THSD7B: variants seen among roughly 807,000 people sequenced by gnomAD.
The protein encoded by THSD7B is thrombospondin type-1 domain-containing protein 7B.
In THSD7B, 138 loss-of-function variants were observed where a neutral mutation model predicts 213.6. The ratio of observed to expected loss-of-function variants is 0.65; its 90% CI spans 0.56 to 0.74. The LOEUF (loss-of-function observed/expected upper bound fraction) is 0.74. Ranked by LOEUF, THSD7B falls within the 30% of genes least tolerant of loss-of-function variation. The pLI, the probability that THSD7B is intolerant of heterozygous loss-of-function variation, is 0.00. For synonymous variants in THSD7B, 742 were observed against 687.0 expected (o/e 1.08, Z -1.25); for missense variants, 1,931 against 1,991.5 (o/e 0.97, Z 0.58).
intron 7 of THSD7B, among the ~76,000 whole-genome samples, chr2:137,197,796 G>A (rs1680795766): frequency 6.6e-6 from 1 of 152,156 alleles, no homozygotes; most frequent in African/African-American, 2.4e-5. Flanking sequence ...TGTAGTCCAT[G>A]TTTGTGAAAG....
At chr2:136,773,329 G>A (rs1001434269) in intron 1 of THSD7B, among the ~76,000 whole-genome samples, 1 of 152,068 alleles carries the variant, frequency 6.6e-6, no homozygotes, top group Non-Finnish European at 1.5e-5. Flanking sequence ...GAAATAGTGA[G>A]TGATTTGCGC....
intron 10 of THSD7B, among the ~76,000 whole-genome samples, chr2:137,258,677 T>TC (rs1682364880): frequency 6.6e-6 from 1 of 151,832 alleles, no homozygotes; most frequent in Non-Finnish European, 1.5e-5. Context: ...TTTTTTTTTT[T>TC]CTGCACATTT....
At chr2:137,040,373 TCTC>T in intron 2 of THSD7B, among the ~76,000 whole-genome samples, 1 of 149,876 alleles carries the variant, frequency 6.7e-6, no homozygotes, top group East Asian at 2.0e-4. Flanking sequence ...TTCTTCTCCT[TCTC>T]CTCCTCTTTC....
chr2:136,941,480 A>C (rs2105060543), intron 2 of THSD7B, among the ~76,000 whole-genome samples: 1 of 152,304 alleles, frequency 6.6e-6, no homozygotes, highest in East Asian at 1.9e-4. Context: ...CAACAGTGTA[A>C]AAGCATTACT....
At chr2:136,888,021 G>T (rs866412521) in intron 2 of THSD7B, among the ~76,000 whole-genome samples, 2 of 152,002 alleles carry the variant, frequency 1.3e-5, no homozygotes, top group African/African-American at 4.8e-5. Flanking sequence ...TATCATTGTT[G>T]TATAATAATT....
chr2:137,196,063 G>C (rs1366369184), intron 7 of THSD7B, among the ~76,000 whole-genome samples: 2 of 152,222 alleles, frequency 1.3e-5, no homozygotes, highest in Non-Finnish European at 2.9e-5. Flanking sequence ...TGCACAAAAA[G>C]TGCCTATAGA....
At chr2:136,780,123 G>T (rs1681711918) in intron 1 of THSD7B, among the ~76,000 whole-genome samples, 1 of 152,094 alleles carries the variant, frequency 6.6e-6, no homozygotes, top group Admixed American at 6.6e-5. Context: ...TATAATTTAT[G>T]AATTATGGGT....
At chr2:136,886,719 A>G (rs1472840819) in intron 2 of THSD7B, among the ~76,000 whole-genome samples, 1 of 152,164 alleles carries the variant, frequency 6.6e-6, no homozygotes. Context: ...TTGATGTGGG[A>G]TGGGTGATAC....
At chr2:137,345,373 A>G (rs1684854187) in intron 12 of THSD7B, among the ~76,000 whole-genome samples, 1 of 151,766 alleles carries the variant, frequency 6.6e-6, no homozygotes, top group Non-Finnish European at 1.5e-5. Flanking sequence ...CATAAGGAAA[A>G]AAATAATTTA....
chr2:137,473,093 GT>G (rs772865121), intron 15 of THSD7B, among the ~76,000 whole-genome samples: 2,794 of 132,868 alleles, frequency 0.021, 35 homozygotes, highest in Non-Finnish European at 0.025. Flanking sequence ...ACTATTAATT[GT>G]TTTTTTTTTT....
chr2:137,275,785 G>A (rs1254647425), intron 11 of THSD7B, 138 bp from the exon 12 acceptor site: 2 of 602,658 alleles, frequency 3.3e-6, no homozygotes, highest in African/African-American at 3.8e-5. Context: ...GCCAAGGCTT[G>A]GTTTTATGAC....
chr2:136,779,588 T>C (rs563429000), intron 1 of THSD7B, among the ~76,000 whole-genome samples: 1 of 152,328 alleles, frequency 6.6e-6, no homozygotes, highest in East Asian at 1.9e-4. Flanking sequence ...AAAAAAAATC[T>C]TGGAAACTTC....
Position 137,056,467 on chromosome 2 carries a change from A to C in THSD7B, c.187A>C (p.Ser63Arg). 1.2e-6 allele frequency: 2 copies of C among 1,613,938 alleles called. No homozygotes were observed. Among genetic ancestry groups the C allele is most frequent in the African/African-American group, 1.3e-5 (1 of 75,042 alleles). ...AGACTGTGGTCCCGGAGGAGTCCAG[A>C]GTCGGGCAGTGTGGTGTTTTCATGT... ...TGDCGPGGVQ[S>R]RAVWCFHVDG... Residue 63 changes from serine to arginine, a missense_variant, in exon 3 of 28, where the codon AGT becomes CGT. Physicochemically the swap from Ser to Arg is moderately radical, Grantham distance 110. Coordinates refer to ENST00000409968, the MANE Select transcript of THSD7B (RefSeq NM_001316349.2).
chr2:136,767,950 G>C (rs901572873), intron 1 of THSD7B, among the ~76,000 whole-genome samples: 19 of 152,180 alleles, frequency 1.2e-4, no homozygotes, highest in Admixed American at 3.3e-4. Flanking sequence ...GATTGTTAGA[G>C]AGTTGAAAGG....
intron 12 of THSD7B, among the ~76,000 whole-genome samples, chr2:137,373,880 T>G (rs181159576): frequency 6.9e-4 from 105 of 152,182 alleles, no homozygotes; most frequent in African/African-American, 2.4e-3. Flanking sequence ...TTTGTATAAG[T>G]TGTAAGGAAG....
At chr2:137,250,056 T>C (rs571325478) in intron 10 of THSD7B, among the ~76,000 whole-genome samples, 1 of 152,332 alleles carries the variant, frequency 6.6e-6, no homozygotes, top group East Asian at 1.9e-4. Context: ...ACCCAGTGTT[T>C]AAACTTGCTA....
At chr2:136,912,936 C>T (rs561316734) in intron 2 of THSD7B, among the ~76,000 whole-genome samples, 2 of 152,186 alleles carry the variant, frequency 1.3e-5, no homozygotes, top group East Asian at 3.9e-4. Flanking sequence ...TGAAAAGATA[C>T]CCAAAAATGT....
intron 12 of THSD7B, among the ~76,000 whole-genome samples, chr2:137,347,475 G>A (rs923695447): frequency 1.3e-5 from 2 of 151,492 alleles, no homozygotes; most frequent in African/African-American, 4.8e-5. Flanking sequence ...GGGAGCTGGA[G>A]TGATGGTACC....
intron 27 of THSD7B, among the ~76,000 whole-genome samples, chr2:137,670,363 G>A (rs1377651847): frequency 6.6e-6 from 1 of 152,006 alleles, no homozygotes; most frequent in Non-Finnish European, 1.5e-5. Flanking sequence ...TCCACAACTG[G>A]AGCCCAAAAA....
Sources: gnomAD v4.1 joint callset for allele counts (sites outside exome capture counted in the v4.1 genomes callset) on GRCh38, gnomAD v4.1.1 for gene constraint, MANE v1.5 for transcripts, NCBI Gene and HGNC (gene_info 2026-07-23, HGNC 2026-07-21) for gene names.